PRKN: variants seen among roughly 807,000 people sequenced by gnomAD.
PRKN encodes E3 ubiquitin-protein ligase parkin.
Under a neutral mutation model 59.5 loss-of-function variants are expected in PRKN, and 56 were observed. The ratio of observed to expected loss-of-function variants is 0.94; its 90% CI spans 0.76 to 1.18. The LOEUF is 1.18. Among genes scored for constraint, PRKN ranks in the 50% most tolerant of loss-of-function variants. PRKN has a pLI of 0.00. For synonymous variants in PRKN, 250 were observed against 222.1 expected (o/e 1.13, Z -1.12); for missense variants, 657 against 596.4 (o/e 1.10, Z -1.06).
intron 6 of PRKN, among the ~76,000 whole-genome samples, chr6:161,801,681 T>A (rs1791086821): frequency 6.6e-6 from 1 of 152,162 alleles, no homozygotes; most frequent in African/African-American, 2.4e-5. Flanking sequence ...TCAGCCGGTT[T>A]TAACCTTCCA....
rs998986921 is a variant in PRKN at position 162,478,363 on chromosome 6, G to T, written c.8-34890C>A. On this transcript the variant is annotated intron_variant, in intron 1 of 11. Coordinates refer to ENST00000366898, the MANE Select transcript of PRKN (RefSeq NM_004562.3). ...GCTGAAACTCCGCTTAAACACTAGG[G>T]AGAACAACAAGTCCACAGAAGTCAC... is the stretch of plus-strand genomic sequence containing the variant. 2.0e-5 allele frequency among the ~76,000 whole-genome samples: 3 copies of T among 152,112 alleles called. No individual in the cohort carries two copies. In the South Asian group the frequency reaches 6.2e-4, roughly 32 times the overall value.
At chr6:161,748,940 T>A (rs549020966) in intron 7 of PRKN, among the ~76,000 whole-genome samples, 1 of 152,238 alleles carries the variant, frequency 6.6e-6, no homozygotes, top group East Asian at 1.9e-4. Context: ...CCACAACGCA[T>A]GAAAAGACCA....
chr6:162,390,634 G>A (rs1271889855), intron 2 of PRKN, among the ~76,000 whole-genome samples: 1 of 151,706 alleles, frequency 6.6e-6, no homozygotes, highest in Non-Finnish European at 1.5e-5. Flanking sequence ...GTACAGTCGG[G>A]GTTTTGCCAT....
At chr6:161,735,712 C>T (rs928962455) in intron 7 of PRKN, among the ~76,000 whole-genome samples, 11 of 151,788 alleles carry the variant, frequency 7.2e-5, no homozygotes, top group African/African-American at 1.9e-4. Context: ...GTCAGGAATT[C>T]GAGACCAGTC....
intron 1 of PRKN, among the ~76,000 whole-genome samples, chr6:162,671,266 C>T (rs4360108): frequency 0.18 from 27,541 of 151,926 alleles, 3,096 homozygotes; most frequent in East Asian, 0.48. Flanking sequence ...TTTGGGAGGC[C>T]GAGGCGGGTG....
chr6:161,784,579 C>T (rs985367910), intron 7 of PRKN, among the ~76,000 whole-genome samples: 1 of 152,146 alleles, frequency 6.6e-6, no homozygotes, highest in Non-Finnish European at 1.5e-5. Context: ...CAATAAGACA[C>T]CACTTCACAC....
At chr6:162,294,816 T>G (rs1029137174) in intron 2 of PRKN, among the ~76,000 whole-genome samples, 1 of 152,030 alleles carries the variant, frequency 6.6e-6, no homozygotes, top group African/African-American at 2.4e-5. Context: ...AAAAGAGGGA[T>G]GTAAGTAATG....
chr6:161,989,047 T>TTAGGTATAG (rs1409823674), intron 5 of PRKN, among the ~76,000 whole-genome samples: 1 of 152,228 alleles, frequency 6.6e-6, no homozygotes, highest in Non-Finnish European at 1.5e-5. Flanking sequence ...CATTAACTCA[T>TTAGGTATAG]CATTTAACAT....
At chr6:162,204,073 A>G (rs1465786395) in intron 3 of PRKN, among the ~76,000 whole-genome samples, 6 of 152,182 alleles carry the variant, frequency 3.9e-5, no homozygotes, top group Non-Finnish European at 1.5e-5. Flanking sequence ...AGTTTCTGAC[A>G]TCATGCTACT....
At chr6:161,657,741 C>T (rs974164842) in intron 7 of PRKN, among the ~76,000 whole-genome samples, 1 of 151,998 alleles carries the variant, frequency 6.6e-6, no homozygotes, top group Non-Finnish European at 1.5e-5. Flanking sequence ...AACGAGTATA[C>T]TAGGCTGGGC....
intron 10 of PRKN, among the ~76,000 whole-genome samples, chr6:161,381,229 C>G (rs1030733868): frequency 6.6e-6 from 1 of 152,214 alleles, no homozygotes; most frequent in Non-Finnish European, 1.5e-5. Context: ...ACTCATCCCC[C>G]TCTTTCAAAA....
At chr6:162,661,584 CCAAA>C (rs1211003980) in intron 1 of PRKN, among the ~76,000 whole-genome samples, 1 of 152,058 alleles carries the variant, frequency 6.6e-6, no homozygotes, top group Non-Finnish European at 1.5e-5. Context: ...CTAGAAGTAA[CCAAA>C]CAGATTCTAA....
chr6:162,443,495 G>T (rs1263599448), intron 1 of PRKN, 22 bp from the exon 2 acceptor site: 1 of 1,613,096 alleles, frequency 6.2e-7, no homozygotes, highest in Non-Finnish European at 8.5e-7. Flanking sequence ...AATTGGAAGG[G>T]AGAAGAGAAA....
chr6:162,153,641 C>T (rs765677962), intron 4 of PRKN, among the ~76,000 whole-genome samples: 9 of 152,146 alleles, frequency 5.9e-5, no homozygotes, highest in East Asian at 1.9e-4. Flanking sequence ...ATGATTAATG[C>T]GGACAATTTT....
At chr6:161,541,535 T>C (rs536400104) in intron 9 of PRKN, among the ~76,000 whole-genome samples, 11 of 152,328 alleles carry the variant, frequency 7.2e-5, no homozygotes, top group Admixed American at 2.0e-4. Flanking sequence ...AGAGTATAAT[T>C]ATTGGTCAGG....
intron 4 of PRKN, among the ~76,000 whole-genome samples, chr6:162,089,977 A>T (rs1225326840): frequency 6.6e-6 from 1 of 152,166 alleles, no homozygotes; most frequent in African/African-American, 2.4e-5. Context: ...GGTGTTGATG[A>T]TTACACAACT....
chr6:162,327,227 T>C (rs1783331540), intron 2 of PRKN, among the ~76,000 whole-genome samples: 1 of 152,194 alleles, frequency 6.6e-6, no homozygotes, highest in Non-Finnish European at 1.5e-5. Context: ...ATATATGAGG[T>C]GTGAGTTATA....
chr6:162,396,916 C>A (rs913718491), intron 2 of PRKN, among the ~76,000 whole-genome samples: 5 of 152,120 alleles, frequency 3.3e-5, no homozygotes, highest in African/African-American at 4.8e-5. Flanking sequence ...CCCCTAAACA[C>A]ACAGGCATGA....
At chr6:162,156,022 TG>T (rs1482928439) in intron 4 of PRKN, among the ~76,000 whole-genome samples, 1 of 152,100 alleles carries the variant, frequency 6.6e-6, no homozygotes, top group Non-Finnish European at 1.5e-5. Context: ...ATAGTGGAAA[TG>T]AGGAAAATGA....
Sources: gnomAD v4.1 joint callset for allele counts (sites outside exome capture counted in the v4.1 genomes callset) on GRCh38, gnomAD v4.1.1 for gene constraint, MANE v1.5 for transcripts, NCBI Gene and HGNC (gene_info 2026-07-23, HGNC 2026-07-21) for gene names.